The following DEGS2 variants were observed in gnomAD, a reference collection of about 807,000 sequenced individuals.
The protein encoded by DEGS2 is delta 4-desaturase, sphingolipid 2, also known as sphingolipid delta(4)-desaturase/C4-monooxygenase DES2.
Under a neutral mutation model 23.8 loss-of-function variants are expected in DEGS2, and 19 were observed. The observed-to-expected ratio is 0.80, with a 90% CI of 0.56 to 1.17. DEGS2 has a LOEUF of 1.17. DEGS2 is among the 50% of genes most tolerant of loss of function. The pLI is 0.00. For synonymous variants in DEGS2, 218 were observed against 213.7 expected (o/e 1.02, Z -0.18); for missense variants, 390 against 459.5 (o/e 0.85, Z 1.38).
At chr14:100,159,436 A>AC in intron 1 of DEGS2, 70 bp downstream of exon 1, 1 of 1,251,124 alleles carries the variant, frequency 8.0e-7, no homozygotes, top group Non-Finnish European at 1.1e-6. Flanking sequence ...TCTGGGCTCG[A>AC]CCCCACGACG....
chr14:100,154,835 C>A (rs1889632673), intron 1 of DEGS2, among the ~76,000 whole-genome samples: 1 of 152,230 alleles, frequency 6.6e-6, no homozygotes, highest in Admixed American at 6.5e-5. Context: ...CCAAGAGTAG[C>A]AGAGACAGGG....
chr14:100,166,361 CCTGCCCGGGGCTGTGGGGGAGG>C, the DEGS2 span, among the ~76,000 whole-genome samples: 93 of 120,834 alleles, frequency 7.7e-4, no homozygotes, highest in Middle Eastern at 4.0e-3. Flanking sequence ...GTGGGGGGAG[CCTGCCCGGGGCTGTGGGGGAGG>C]CTGCTCTTCA....
rs373221255 is a variant in DEGS2, at chr14:100,149,510, C to T, written c.283G>A (p.Ala95Thr). ...TLAIHDISHN[A>T]AFGTGRAARN... ...GCCGCACGGCCCGTGCCGAAGGCCG[C>T]GTTGTGCGAGATGTCGTGGATGGCC... The change falls in exon 2 of 3, where the codon GCG becomes ACG. Residue 95 changes from alanine (A) to threonine (T), a missense_variant. Ala to Thr is a moderately conservative substitution (Grantham distance 58). Transcript: ENST00000305631. The T allele has an allele frequency of 2.2e-5, 35 of 1,600,878 alleles. No homozygotes were observed. Among genetic ancestry groups the T allele is most frequent in the Middle Eastern group, 1.6e-4 (1 of 6,070 alleles).
At chr14:100,158,080 T>A (rs1465456420) in intron 1 of DEGS2, among the ~76,000 whole-genome samples, 1 of 84,346 alleles carries the variant, frequency 1.2e-5, no homozygotes. Context: ...GAGCAAGACT[T>A]CCTCTCAAAA....
chr14:100,151,088 C>T (rs1889564124), intron 1 of DEGS2, among the ~76,000 whole-genome samples: 1 of 152,242 alleles, frequency 6.6e-6, no homozygotes, highest in Non-Finnish European at 1.5e-5. Context: ...CTCAGGGGCC[C>T]AACCCCAGCC....
chr14:100,164,464 C>T (rs1017101297), upstream of DEGS2, among the ~76,000 whole-genome samples: 7 of 151,942 alleles, frequency 4.6e-5, no homozygotes, highest in South Asian at 1.2e-3. Context: ...GCTGCAACCC[C>T]GTCTCTACTA....
intron 2 of DEGS2, among the ~76,000 whole-genome samples, chr14:100,148,635 A>T (rs1051449242): frequency 1.3e-5 from 2 of 152,174 alleles, no homozygotes; most frequent in Non-Finnish European, 2.9e-5. Context: ...GAGCCTGCAG[A>T]CGGGAAGGAT....
At chr14:100,147,829 G>A (rs59948703) in intron 2 of DEGS2, among the ~76,000 whole-genome samples, 1 of 152,036 alleles carries the variant, frequency 6.6e-6, no homozygotes, top group Non-Finnish European at 1.5e-5. Context: ...CTCACGGCAG[G>A]CACTCTTGCC....
chr14:100,158,946 T>C (rs878997744), intron 1 of DEGS2, among the ~76,000 whole-genome samples: 2 of 152,168 alleles, frequency 1.3e-5, no homozygotes, highest in Admixed American at 1.3e-4. Flanking sequence ...AATAGAAGGA[T>C]TCTTTAGTAC....
chr14:100,154,227 A>C (rs954633682), intron 1 of DEGS2, among the ~76,000 whole-genome samples: 7 of 152,134 alleles, frequency 4.6e-5, no homozygotes, highest in Non-Finnish European at 7.4e-5. Context: ...CAGCTGGACA[A>C]GGTGGCGTGC....
In DEGS2 at chr14:100,149,514, G is replaced by C. The variant is rs923644805; in HGVS notation, c.279C>G (p.His93Gln). ...SLTLAIHDIS[H>Q]NAAFGTGRAA... ...CACGGCCCGTGCCGAAGGCCGCGTT[G>C]TGCGAGATGTCGTGGATGGCCAGCG... Residue 93 changes from histidine (H) to glutamine (Q), a missense_variant, in exon 2 of 3, where the codon CAC (histidine) becomes CAG (glutamine). Physicochemically the swap from His to Gln is conservative, Grantham distance 24 (BLOSUM62 0). Transcript: ENST00000305631. 1.9e-6 allele frequency: 3 copies of C among 1,602,142 alleles called. No homozygotes were observed. The African/African-American group carries it at 4.0e-5, about 21-fold the overall frequency.
the DEGS2 span, among the ~76,000 whole-genome samples, chr14:100,166,262 T>TC: frequency 2.9e-5 from 2 of 68,850 alleles, no homozygotes; most frequent in Non-Finnish European, 5.5e-5. Context: ...TCCGGGGGAG[T>TC]GGGGGGAGCC....
rs745522731 is a variant in DEGS2, at chr14:100,149,324, C to T, written c.469G>A (p.Ala157Thr). 39 of 1,611,382 alleles carry T rather than the reference C, an allele frequency of 2.4e-5. No homozygotes were observed. The highest frequency in any genetic ancestry group is 3.3e-5 in the Admixed American group (2 of 59,822). ...AGCACCAGCCAGAGCAGCTTGCGGG[C>T]GGGTGTGCAGAAGAACCAGCCCTCC... is the stretch of plus-strand genomic sequence containing the variant. ...RLEGWFFCTP[A>T]RKLLWLVLQP... Residue 157 changes from alanine (A) to threonine (T), a missense_variant, in exon 2 of 3, where the codon GCC (alanine) becomes ACC (threonine). Ala to Thr is a moderately conservative substitution (Grantham distance 58). Transcript: ENST00000305631.
rs1384377613 is a variant in DEGS2, at chr14:100,146,037, CA to C, written c.*723del. On this transcript the variant is annotated 3_prime_UTR_variant, in exon 3 of 3. Coordinates refer to ENST00000305631, the MANE Select transcript of DEGS2 (RefSeq NM_206918.3). ...GGGCATACAGAGAGCAGGAGGTGAGCAGGCCCAAGGGGTGGGGGCAAGGCAG... is the reference window on the plus strand; with the variant it reads ...GGGCATACAGAGAGCAGGAGGTGAGCGGCCCAAGGGGTGGGGGCAAGGCAG... 6.6e-6 allele frequency: 1 copy of C among 152,654 alleles called. No homozygotes were observed. 9.5% of individuals were successfully genotyped at this position (152,654 alleles called of 1,614,324 possible).
intron 1 of DEGS2, chr14:100,155,756 G>A (rs1301702856): frequency 1.3e-5 from 2 of 152,058 alleles, no homozygotes; most frequent in Admixed American, 6.6e-5. Flanking sequence ...CAGCAGTTTC[G>A]CTTCCGGGAT....
upstream of DEGS2, among the ~76,000 whole-genome samples, chr14:100,163,877 C>T (rs1372865867): frequency 2.6e-5 from 4 of 152,104 alleles, no homozygotes; most frequent in Non-Finnish European, 2.9e-5. Flanking sequence ...GCCCACCACA[C>T]CCAGCTTATT....
At chr14:100,147,616 A>T (rs1261512737) in intron 2 of DEGS2, among the ~76,000 whole-genome samples, 1 of 149,202 alleles carries the variant, frequency 6.7e-6, no homozygotes, top group Non-Finnish European at 1.5e-5. Flanking sequence ...GCTCAACGGC[A>T]TGCAGCCTTG....
intron 2 of DEGS2, among the ~76,000 whole-genome samples, chr14:100,148,176 C>T (rs897807013): frequency 1.3e-5 from 2 of 152,206 alleles, no homozygotes; most frequent in African/African-American, 4.8e-5. Flanking sequence ...CACACAGATG[C>T]GTGTGCGCAC....
In DEGS2 at chr14:100,159,529, G is replaced by C. The variant is rs1476095652; in HGVS notation, c.59C>G (p.Thr20Arg). 1 of 1,508,244 alleles carries C rather than the reference G, an allele frequency of 6.6e-7. No homozygotes were observed. Among genetic ancestry groups the C allele is most frequent in the African/African-American group, 1.4e-5 (1 of 69,292 alleles). The allele number at this position is 1,508,244 out of a possible 1,614,324, so 93.4% of individuals were successfully genotyped here. ...ACCCAGTATCTCCTTGCGCCGCTGC[G>C]TGTGCGGCTGGTCGGTGTAGACCCA... ...FEWVYTDQPH[T>R]QRRKEILAKY... Residue 20 changes from threonine to arginine, a missense_variant, in exon 1 of 3, where the codon ACG (threonine) becomes AGG (arginine). Transcript: ENST00000305631.
Sources: allele counts gnomAD v4.1 joint callset (sites outside exome capture counted in the v4.1 genomes callset), GRCh38; gene constraint gnomAD v4.1.1; transcripts MANE v1.5; gene names NCBI Gene and HGNC (gene_info 2026-07-23, HGNC 2026-07-21).